DIAPH3: variants seen among roughly 807,000 people sequenced by gnomAD.
The protein encoded by DIAPH3 is diaphanous related formin 3.
A neutral mutation model predicts 144.3 loss-of-function variants in DIAPH3; 117 were observed. The observed-to-expected ratio is 0.81, with a 90% CI of 0.70 to 0.95. The LOEUF (loss-of-function observed/expected upper bound fraction) is 0.95, where lower values mean the gene tolerates loss of function less well. Among genes scored for constraint, DIAPH3 ranks in the 40% least tolerant of loss-of-function variants. The pLI, the probability that DIAPH3 is intolerant of heterozygous loss-of-function variation, is 0.00. For synonymous variants in DIAPH3, 519 were observed against 488.9 expected, an observed-to-expected ratio of 1.06 and a Z score of -0.81; for missense variants, 1,421 against 1,412.7, an observed-to-expected ratio of 1.01 and a Z score of -0.09.
At chr13:60,139,934 G>C (rs200088788) in intron 1 of DIAPH3, among the ~76,000 whole-genome samples, 1 of 152,128 alleles carries the variant, frequency 6.6e-6, no homozygotes, top group Non-Finnish European at 1.5e-5. Context: ...AAAGCAAATC[G>C]AATCTCTGAA....
At position 59,854,936 on chromosome 13, in the gene DIAPH3, T is replaced by C. The variant is rs191480428; in HGVS notation, c.2737+6471A>G. ...TGGTTTTCTTCTTCATCATCATCTA[T>C]TAGCCCAAGCCACAGCAGATTCAGG... On this transcript the variant is annotated intron_variant, in intron 22 of 27. Transcript: ENST00000400324. Among the ~76,000 whole-genome samples, 290 of 152,328 alleles carry C rather than the reference T, an allele frequency of 1.9e-3. 2 individuals are homozygous for C. Among genetic ancestry groups the C allele is most frequent in the African/African-American group, 6.4e-3 (267 of 41,570 alleles).
chr13:59,766,505 A>C lies in DIAPH3; in HGVS notation c.3319+7684T>G, dbSNP rs150289125. 1.3e-3 allele frequency among the ~76,000 whole-genome samples: 205 copies of C among 152,128 alleles called. 1 individual carries two copies. The highest frequency in any genetic ancestry group is 4.7e-3 in the African/African-American group (196 of 41,516). ...GATGGGAGCTCAGAATTTTCCCTCA[A>C]TTACTGTCTGCATCCACTTCTGTTC... On this transcript the variant is annotated intron_variant, in intron 27 of 27. Transcript: ENST00000400324.
At chr13:59,761,911 T>C (rs1046989855) in intron 27 of DIAPH3, among the ~76,000 whole-genome samples, 4 of 152,042 alleles carry the variant, frequency 2.6e-5, no homozygotes, top group African/African-American at 9.7e-5. Context: ...CAGATAAACT[T>C]AGAAGCTCAG....
In DIAPH3 at chr13:59,828,313, T is replaced by C. The variant is rs186775377; in HGVS notation, c.3027+4794A>G. On this transcript the variant is annotated intron_variant, in intron 24 of 27. Transcript: ENST00000400324. ...AAAGAACACATTTCATGTTTTGAAATAGAAGCAGATCTGAAAACATTCTTC... is the reference window on the plus strand; with the variant it reads ...AAAGAACACATTTCATGTTTTGAAACAGAAGCAGATCTGAAAACATTCTTC... Among the ~76,000 whole-genome samples the C allele has an allele frequency of 1.9e-3, 288 of 152,100 alleles. 1 individual carries two copies. The highest frequency in any genetic ancestry group is 3.6e-3 in the Non-Finnish European group (243 of 67,940).
chr13:59,714,236 TGTA>T (rs1461482330), intron 27 of DIAPH3, among the ~76,000 whole-genome samples: 1 of 150,354 alleles, frequency 6.7e-6, no homozygotes, highest in Non-Finnish European at 1.5e-5. Context: ...GGCGGGCGCC[TGTA>T]GTCCCAGCTA....
chr13:59,992,479 T>C lies in DIAPH3; in HGVS notation c.1119A>G (p.Ile373Met). ...GAGACTGCAGGGCACTTACTGGCAA[T>C]ATCTCTTTCAATCCACAACGCATAA... The part of the protein sequence containing the change: ...NEFMRCGLKE[I>M]LPNLKCIKND... The change falls in exon 10 of 28, where the codon ATA becomes ATG. Residue 373 changes from isoleucine to methionine, a missense_variant. Transcript: ENST00000400324. 6.2e-7 allele frequency: 1 copy of C among 1,610,980 alleles called. No individual in the cohort carries two copies. Among genetic ancestry groups the C allele is most frequent in the Non-Finnish European group, 8.5e-7 (1 of 1,178,382 alleles).
chr13:59,822,942 T>C (rs191223752), intron 24 of DIAPH3, among the ~76,000 whole-genome samples: 1 of 152,296 alleles, frequency 6.6e-6, no homozygotes, highest in African/African-American at 2.4e-5. Flanking sequence ...GTCACCTTTT[T>C]AATTACATGA....
intron 20 of DIAPH3, among the ~76,000 whole-genome samples, chr13:59,910,427 A>G (rs1050103595): frequency 6.6e-6 from 1 of 152,138 alleles, no homozygotes; most frequent in African/African-American, 2.4e-5. Context: ...AAGACAACGA[A>G]TTTAAAAGTT....
At chr13:59,751,157 C>A (rs1388698461) in intron 27 of DIAPH3, among the ~76,000 whole-genome samples, 1 of 152,268 alleles carries the variant, frequency 6.6e-6, no homozygotes, top group East Asian at 1.9e-4. Flanking sequence ...ATTCGCCCTG[C>A]TCCTGCAAAA....
intron 25 of DIAPH3, among the ~76,000 whole-genome samples, chr13:59,778,469 A>C (rs1292128138): frequency 6.6e-6 from 1 of 152,226 alleles, no homozygotes; most frequent in Non-Finnish European, 1.5e-5. Flanking sequence ...AAATTAGCTA[A>C]ATATATGTTG....
Position 59,879,385 on chromosome 13 carries a change from T to C in DIAPH3, c.2451A>G (p.Lys817=), listed in dbSNP as rs1321653053. The change falls in exon 21 of 28, where the codon AAA becomes AAG. Residue 817 remains lysine (K), a synonymous_variant. Transcript: ENST00000400324. ...CAGTACTGACAGCCATGATGTCAGG[T>C]TTGATGTTGTTCACCTGCTCTTCAA... ...LQFEEQVNNI[K]PDIMAVSTAC... is the part of the protein sequence containing the mutation. 18 of 1,613,752 alleles carry C rather than the reference T, an allele frequency of 1.1e-5. No individual in the cohort carries two copies. Among genetic ancestry groups the C allele is most frequent in the Non-Finnish European group, 1.5e-5 (18 of 1,179,852 alleles).
rs1279523432 is a variant in DIAPH3, at chr13:59,665,777, A to T, written c.*807T>A. The T allele has an allele frequency of 6.6e-6, 1 of 152,654 alleles. No individual in the cohort carries two copies. Among genetic ancestry groups the T allele is most frequent in the Admixed American group, 6.5e-5 (1 of 15,288 alleles). 9.5% of individuals were successfully genotyped at this position (152,654 alleles called of 1,614,324 possible). ...CCAAGTTTATTCATAAAATAAAAAA[A>T]GTTGTTACTTTGGAAATTTCAAAAT... On this transcript the variant is annotated 3_prime_UTR_variant, in exon 28 of 28. Coordinates refer to ENST00000400324, the MANE Select transcript of DIAPH3 (RefSeq NM_001042517.2).
intron 2 of DIAPH3, among the ~76,000 whole-genome samples, chr13:60,128,793 A>C (rs957823993): frequency 2.7e-4 from 41 of 150,272 alleles, no homozygotes; most frequent in African/African-American, 9.8e-4. Context: ...TTTTTTTTTA[A>C]GGAATGGAGA....
At chr13:59,863,578 T>G (rs564875581) in intron 21 of DIAPH3, among the ~76,000 whole-genome samples, 3 of 152,248 alleles carry the variant, frequency 2.0e-5, no homozygotes, top group African/African-American at 7.2e-5. Flanking sequence ...AAAACTATCA[T>G]AGAGCCGGGA....
intron 27 of DIAPH3, among the ~76,000 whole-genome samples, chr13:59,737,108 G>A (rs915119428): frequency 2.6e-5 from 4 of 152,044 alleles, no homozygotes; most frequent in African/African-American, 7.2e-5. Flanking sequence ...ATTTCATGAC[G>A]AAGGTGCCAA....
chr13:59,798,891 G>T (rs1017754703), intron 25 of DIAPH3, among the ~76,000 whole-genome samples: 11 of 152,112 alleles, frequency 7.2e-5, no homozygotes, highest in African/African-American at 2.2e-4. Context: ...GAGGTGTCTT[G>T]TGTCCAACAT....
At chr13:59,703,773 A>G (rs1366086027) in intron 27 of DIAPH3, among the ~76,000 whole-genome samples, 2 of 152,138 alleles carry the variant, frequency 1.3e-5, no homozygotes, top group Non-Finnish European at 2.9e-5. Context: ...CAAATGTCCT[A>G]TCTCTTAGCA....
At chr13:60,149,100 G>C (rs1951664918) in intron 1 of DIAPH3, among the ~76,000 whole-genome samples, 1 of 152,202 alleles carries the variant, frequency 6.6e-6, no homozygotes, top group South Asian at 2.1e-4. Flanking sequence ...GGGGTTGTTT[G>C]GTTTTCCTTC....
intron 1 of DIAPH3, among the ~76,000 whole-genome samples, chr13:60,156,939 A>ATTTTTT (rs757042309): frequency 6.1e-5 from 5 of 82,044 alleles, no homozygotes; most frequent in Admixed American, 1.7e-4. Context: ...ATATATATAT[A>ATTTTTT]TTTTTTTTTT....
Sources: allele counts gnomAD v4.1 joint callset (sites outside exome capture counted in the v4.1 genomes callset), GRCh38; gene constraint gnomAD v4.1.1; transcripts MANE v1.5; gene names NCBI Gene and HGNC (gene_info 2026-07-23, HGNC 2026-07-21).